ARFIP1: variants seen among roughly 807,000 people sequenced by gnomAD.
ARFIP1 encodes the protein arfaptin-1.
In ARFIP1, 24 loss-of-function variants were observed where a neutral mutation model predicts 42.5. The ratio of observed to expected loss-of-function variants is 0.57; its 90% CI spans 0.41 to 0.80. The LOEUF (loss-of-function observed/expected upper bound fraction) is 0.80. Among genes scored for constraint, ARFIP1 ranks in the 30% least tolerant of loss-of-function variants. The pLI is 0.00. For missense variants in ARFIP1, 354 were observed against 434.0 expected (o/e 0.82, Z 1.64); for synonymous variants, 141 against 153.7 (o/e 0.92, Z 0.61).
chr4:152,853,835 C>CATTCTTTTTT (rs1419216640), intron 2 of ARFIP1, among the ~76,000 whole-genome samples: 1 of 151,104 alleles, frequency 6.6e-6, no homozygotes, highest in East Asian at 1.9e-4. Flanking sequence ...ATACTTTCCT[C>CATTCTTTTTT]ATTCTTTTTT....
At chr4:152,851,881 C>G (rs944575097) in intron 2 of ARFIP1, among the ~76,000 whole-genome samples, 4 of 152,074 alleles carry the variant, frequency 2.6e-5, no homozygotes, top group Non-Finnish European at 5.9e-5. Flanking sequence ...TTATAGTAAC[C>G]TCTATTAAAA....
intron 1 of ARFIP1, among the ~76,000 whole-genome samples, chr4:152,790,768 CTG>C (rs1360796574): frequency 8.9e-6 from 1 of 112,380 alleles, no homozygotes; most frequent in Non-Finnish European, 1.7e-5. Flanking sequence ...GAATCTCAAT[CTG>C]TTGCCCAGGC....
chr4:152,821,527 G>T (rs1253392496), intron 1 of ARFIP1, among the ~76,000 whole-genome samples: 1 of 151,988 alleles, frequency 6.6e-6, no homozygotes, highest in East Asian at 1.9e-4. Flanking sequence ...AATTATAGGT[G>T]TTCCTAAGAG....
intron 8 of ARFIP1, among the ~76,000 whole-genome samples, chr4:152,894,516 A>T (rs1003367690): frequency 2.6e-5 from 4 of 152,222 alleles, no homozygotes; most frequent in African/African-American, 9.6e-5. Context: ...CAGTGACTTA[A>T]TGTCACCTTT....
intron 1 of ARFIP1, among the ~76,000 whole-genome samples, chr4:152,797,965 A>G (rs7675147): frequency 0.83 from 125,587 of 152,216 alleles, 51,958 homozygotes; most frequent in Non-Finnish European, 0.85. Flanking sequence ...ATGTTGAATA[A>G]TAGTAGAAAT....
At chr4:152,848,401 A>T (rs1732730105) in intron 2 of ARFIP1, among the ~76,000 whole-genome samples, 1 of 152,258 alleles carries the variant, frequency 6.6e-6, no homozygotes, top group South Asian at 2.1e-4. Flanking sequence ...AAACCAGGGA[A>T]GAGATATTGT....
chr4:152,805,392 G>C (rs1193437852), intron 1 of ARFIP1, among the ~76,000 whole-genome samples: 4 of 152,190 alleles, frequency 2.6e-5, no homozygotes, highest in Non-Finnish European at 4.4e-5. Context: ...TAGGAATATT[G>C]ATCCAAATCA....
At chr4:152,821,872 T>C (rs974559842) in intron 1 of ARFIP1, among the ~76,000 whole-genome samples, 3 of 152,170 alleles carry the variant, frequency 2.0e-5, no homozygotes, top group Non-Finnish European at 4.4e-5. Flanking sequence ...CAAAACTAAG[T>C]TGTATAAATG....
intron 1 of ARFIP1, among the ~76,000 whole-genome samples, chr4:152,809,310 T>A (rs1729264429): frequency 6.6e-6 from 1 of 152,278 alleles, no homozygotes; most frequent in Middle Eastern, 3.4e-3. Context: ...TGTGTATTCA[T>A]AGCAGCTTTA....
Position 152,786,366 on chromosome 4 carries a change from T to G in ARFIP1, c.-10+6140T>G, listed in dbSNP as rs554394094. On this transcript the variant is annotated intron_variant, in intron 1 of 8. Coordinates refer to ENST00000353617, the MANE Select transcript of ARFIP1 (RefSeq NM_001025595.3). ...CTACAAAACTGCACAACGTTGGTTC[T>G]TTCTTTGTTCCTTTTTTCAGTGAAT... Among the ~76,000 whole-genome samples the G allele has an allele frequency of 2.0e-5, 3 of 152,346 alleles. No individual in the cohort carries two copies. The South Asian group carries it at 6.2e-4, about 32-fold the overall frequency.
intron 2 of ARFIP1, among the ~76,000 whole-genome samples, chr4:152,849,747 A>G (rs1287754142): frequency 6.6e-6 from 1 of 152,196 alleles, no homozygotes; most frequent in African/African-American, 2.4e-5. Context: ...ATTAGATGGA[A>G]TAAGATACAG....
intron 1 of ARFIP1, among the ~76,000 whole-genome samples, chr4:152,793,688 C>T (rs541914055): frequency 5.3e-5 from 8 of 152,130 alleles, no homozygotes; most frequent in South Asian, 2.1e-4. Context: ...ATATCTGAGG[C>T]GGAGTAATTT....
intron 8 of ARFIP1, among the ~76,000 whole-genome samples, chr4:152,892,327 C>G (rs894180947): frequency 6.6e-6 from 1 of 152,196 alleles, no homozygotes; most frequent in African/African-American, 2.4e-5. Context: ...TTCTCTCTCT[C>G]TGTCTCTCTT....
Position 152,903,386 on chromosome 4 carries a change from G to C in ARFIP1, c.967-6678G>C, listed in dbSNP as rs566329961. Among the ~76,000 whole-genome samples, 32 of 151,722 alleles carry C rather than the reference G, an allele frequency of 2.1e-4. 1 individual carries two copies. The highest frequency in any genetic ancestry group is 2.0e-3 in the Admixed American group (30 of 15,244). On this transcript the variant is annotated intron_variant, in intron 8 of 8. Transcript: ENST00000353617. Reference sequence around the variant, plus strand: ...AATAGAAAAGTGAGATAAATTATCTGTTTTGTTATAAGCCAAATTGAGAAC... The same window carrying C: ...AATAGAAAAGTGAGATAAATTATCTCTTTTGTTATAAGCCAAATTGAGAAC...
At chr4:152,892,752 A>T (rs1464344554) in intron 8 of ARFIP1, among the ~76,000 whole-genome samples, 1 of 152,170 alleles carries the variant, frequency 6.6e-6, no homozygotes, top group Non-Finnish European at 1.5e-5. Flanking sequence ...TTGTTCTACT[A>T]GTTATAGTTC....
chr4:152,860,093 G>A (rs1445101851), intron 2 of ARFIP1, among the ~76,000 whole-genome samples: 1 of 152,020 alleles, frequency 6.6e-6, no homozygotes, highest in Non-Finnish European at 1.5e-5. Context: ...CTCCAGAAGA[G>A]TTCTATTTAA....
intron 1 of ARFIP1, among the ~76,000 whole-genome samples, chr4:152,788,437 T>C (rs943461105): frequency 4.6e-5 from 7 of 152,120 alleles, no homozygotes; most frequent in African/African-American, 1.4e-4. Flanking sequence ...CCTAGCACTT[T>C]GGGAGGTCAA....
intron 3 of ARFIP1, among the ~76,000 whole-genome samples, chr4:152,866,647 C>T (rs1396859473): frequency 6.6e-6 from 1 of 151,914 alleles, no homozygotes; most frequent in Non-Finnish European, 1.5e-5. Context: ...CTGACCCCCA[C>T]CTCCCTCCCG....
chr4:152,898,670 T>C (rs893831953), intron 8 of ARFIP1, among the ~76,000 whole-genome samples: 2 of 152,112 alleles, frequency 1.3e-5, no homozygotes, highest in Non-Finnish European at 2.9e-5. Context: ...AAATACAGAA[T>C]TTGATGAAGA....
Sources: allele counts gnomAD v4.1 joint callset (sites outside exome capture counted in the v4.1 genomes callset), GRCh38; gene constraint gnomAD v4.1.1; transcripts MANE v1.5; gene names NCBI Gene and HGNC (gene_info 2026-07-23, HGNC 2026-07-21).